Variants in CCDC24 observed in about 807,000 individuals in gnomAD.
CCDC24 encodes coiled-coil domain-containing protein 24.
CCDC24 carries 34 observed loss-of-function variants against 31.6 expected under a neutral mutation model. That is an observed-to-expected ratio of 1.08 (90% CI 0.82 to 1.43). The LOEUF (loss-of-function observed/expected upper bound fraction) is 1.43. CCDC24 is among the 40% of genes most tolerant of loss of function. The pLI is 0.00. For synonymous variants in CCDC24, 175 were observed against 157.3 expected (o/e 1.11, Z -0.84); for missense variants, 426 against 391.1 (o/e 1.09, Z -0.75).
At position 43,996,456 on chromosome 1, in the gene CCDC24, G is replaced by C. The variant is rs769778923; in HGVS notation, c.*296G>C. 5.1e-6 allele frequency: 2 copies of C among 394,736 alleles called. No homozygotes were observed. The highest frequency in any genetic ancestry group is 9.0e-6 in the Non-Finnish European group (2 of 221,470). The allele number at this position is 394,736 out of a possible 1,614,324, so 24.5% of individuals were successfully genotyped here. On this transcript the variant is annotated 3_prime_UTR_variant, in exon 9 of 9. Coordinates refer to ENST00000372318, the MANE Select transcript of CCDC24 (RefSeq NM_152499.4). The stretch of plus-strand genomic sequence containing the variant: ...TTCCAGCCTGACTCTTGTCCCCTGG[G>C]GGACCCAGACAAAGCACAGCAGCCG...
At chr1:43,992,498 C>T (rs529426629) in intron 3 of CCDC24, 25 bp from the exon 4 acceptor site, 2 of 1,613,336 alleles carry the variant, frequency 1.2e-6, no homozygotes, top group South Asian at 2.2e-5. Context: ...AGCCTCTCAG[C>T]TTCCTTCCTG....
intron 5 of CCDC24, 62 bp downstream of exon 5, chr1:43,994,026 G>A: frequency 6.8e-7 from 1 of 1,464,866 alleles, no homozygotes; most frequent in East Asian, 2.3e-5. Flanking sequence ...GGATCTTGAG[G>A]TGCTGGGATT....
chr1:43,994,248 C>T (rs984293318), intron 5 of CCDC24: 11 of 410,014 alleles, frequency 2.7e-5, no homozygotes, highest in Non-Finnish European at 5.0e-5. Flanking sequence ...GAATTCGAAA[C>T]CAGCTTGGCC....
intron 2 of CCDC24, 94 bp from the exon 3 acceptor site, chr1:43,992,118 C>T (rs1174965754): frequency 6.6e-7 from 1 of 1,515,238 alleles, no homozygotes; most frequent in Admixed American, 2.0e-5. Flanking sequence ...ATCCTGGTCT[C>T]CCCTTTGACT....
intron 5 of CCDC24, 136 bp from the exon 6 acceptor site, chr1:43,994,972 C>A: frequency 1.4e-6 from 1 of 732,366 alleles, no homozygotes; most frequent in Non-Finnish European, 2.4e-6. Context: ...CCCCAAGCAG[C>A]AGAGGGCAGT....
At position 43,995,950 on chromosome 1, in the gene CCDC24, G is replaced by A. The variant is rs778082235; in HGVS notation, c.714G>A (p.Leu238=). 6.2e-7 allele frequency: 1 copy of A among 1,614,072 alleles called. No individual in the cohort carries two copies. Among genetic ancestry groups the A allele is most frequent in the Non-Finnish European group, 8.5e-7 (1 of 1,179,962 alleles). ...CTTTCTTGTCCAGGCAGCGGCCCTT[G>A]GGGTCCTCCACACAGGGCCTCAGAC... ...CVSPNHRQRP[L]GSSTQGLRPP... is the part of the protein sequence containing the mutation. The change falls in exon 9 of 9, where the codon TTG becomes TTA. Residue 238 remains leucine, a synonymous_variant. Coordinates refer to ENST00000372318, the MANE Select transcript of CCDC24 (RefSeq NM_152499.4). The surrounding 1 kb of genome is among the most constrained non-coding windows in gnomAD (Gnocchi z 4.3).
chr1:43,993,356 A>G (rs898857536), intron 4 of CCDC24, among the ~76,000 whole-genome samples: 20 of 151,912 alleles, frequency 1.3e-4, no homozygotes, highest in African/African-American at 4.6e-4. Flanking sequence ...AGGTGGGATA[A>G]TTGCTTGAGC....
chr1:43,995,504 G>C lies in CCDC24; in HGVS notation c.553-97G>C. ...CTGCCCTCACGGTGGATGGGCTGAA[G>C]GGGCTGCACGGGCCTGCCCTGGGGA... is the stretch of plus-strand genomic sequence containing the variant. On this transcript the variant is annotated intron_variant, in intron 6 of 8. Transcript: ENST00000372318. The surrounding 1 kb of genome is among the most constrained non-coding windows in gnomAD (Gnocchi z 4.3). The C allele has an allele frequency of 7.7e-7, 1 of 1,304,160 alleles. No individual in the cohort carries two copies. The highest frequency in any genetic ancestry group is 1.5e-5 in the South Asian group (1 of 66,606). The allele number at this position is 1,304,160 out of a possible 1,614,324, so 80.8% of individuals were successfully genotyped here. A position where few individuals can be genotyped will look rare whatever the true frequency, so the allele number is the denominator to read the frequency against.
chr1:43,994,013 G>A, intron 5 of CCDC24, 49 bp downstream of exon 5: 1 of 1,529,896 alleles, frequency 6.5e-7, no homozygotes. Context: ...TGGAGACAAG[G>A]ATGGATCTTG....
chr1:43,991,735 G>A lies in CCDC24; in HGVS notation c.-44G>A, dbSNP rs1287335237. On this transcript the variant is annotated 5_prime_UTR_variant, in exon 1 of 9. Coordinates refer to ENST00000372318, the MANE Select transcript of CCDC24 (RefSeq NM_152499.4). Reference sequence around the variant, plus strand: ...GGCAATCCCAGCCGAGGGGACCAGCGGCAGAGCACGGGTGGGGCTTGGGAG... The same window carrying A: ...GGCAATCCCAGCCGAGGGGACCAGCAGCAGAGCACGGGTGGGGCTTGGGAG... The A allele has an allele frequency of 9.3e-7, 1 of 1,077,252 alleles. No homozygotes were observed. The allele number at this position is 1,077,252 out of a possible 1,614,324, so 66.7% of individuals were successfully genotyped here. A position where few individuals can be genotyped will look rare whatever the true frequency, so the allele number is the denominator to read the frequency against.
rs370451361 is a variant in CCDC24, at chr1:43,996,139, A to G, written c.903A>G (p.Ala301=). The change falls in exon 9 of 9, where the codon GCA becomes GCG. Residue 301 remains alanine, a synonymous_variant. Transcript: ENST00000372318. ...EGPASTPMSS[A]APQAPA ...CAGCTTCCACACCCATGTCCAGTGC[A>G]GCACCCCAAGCCCCAGCCTGAAGGG... 1.2e-5 allele frequency: 19 copies of G among 1,602,994 alleles called. No homozygotes were observed. Among genetic ancestry groups the G allele is most frequent in the Non-Finnish European group, 1.5e-5 (18 of 1,173,918 alleles).
chr1:43,994,129 G>T (rs900643039), intron 5 of CCDC24, 165 bp downstream of exon 5: 29 of 642,014 alleles, frequency 4.5e-5, no homozygotes, highest in Non-Finnish European at 7.1e-5. Flanking sequence ...AGCTAGTGAG[G>T]TTGCTTTCAG....
intron 5 of CCDC24, chr1:43,994,446 T>C (rs112904958): frequency 9.7e-3 from 147 of 15,190 alleles, no homozygotes; most frequent in Non-Finnish European, 0.015. Context: ...TTCTTTCTTT[T>C]TTTTTTTTTT....
In CCDC24 at chr1:43,995,206, C is replaced by G. The variant is rs543689854; in HGVS notation, c.552+44C>G. 6.5e-7 allele frequency: 1 copy of G among 1,535,318 alleles called. No homozygotes were observed. Among genetic ancestry groups the G allele is most frequent in the East Asian group, 2.4e-5 (1 of 40,996 alleles). ...CCCTCCCCCGAGCCTCACTGCTGAGCGTAGACTCTCACCTGGGTGAGACCC... is the reference window on the plus strand; with the variant it reads ...CCCTCCCCCGAGCCTCACTGCTGAGGGTAGACTCTCACCTGGGTGAGACCC... On this transcript the variant is annotated intron_variant, in intron 6 of 8. Coordinates refer to ENST00000372318, the MANE Select transcript of CCDC24 (RefSeq NM_152499.4). The surrounding 1 kb of genome is among the most constrained non-coding windows in gnomAD (Gnocchi z 4.3).
Position 43,992,266 on chromosome 1 carries a change from T to C in CCDC24, c.181T>C (p.Ser61Pro). 6.2e-7 allele frequency: 1 copy of C among 1,613,656 alleles called. No homozygotes were observed. Among genetic ancestry groups the C allele is most frequent in the Non-Finnish European group, 8.5e-7 (1 of 1,179,894 alleles). ...GGCTCGATCCTCTCAAGCCCCCAGCTCCCGCCCCATCTCTGACCCCTCTTC... is the reference window on the plus strand; with the variant it reads ...GGCTCGATCCTCTCAAGCCCCCAGCCCCCGCCCCATCTCTGACCCCTCTTC... ...QEARSSQAPS[S>P]RPISDPSSLL... Residue 61 changes from serine (S) to proline (P), a missense_variant, in exon 3 of 9, where the codon TCC (serine) becomes CCC (proline). Coordinates refer to ENST00000372318, the MANE Select transcript of CCDC24 (RefSeq NM_152499.4).
At chr1:43,992,730 T>C in intron 4 of CCDC24, 91 bp downstream of exon 4, 1 of 1,175,458 alleles carries the variant, frequency 8.5e-7, no homozygotes, top group Non-Finnish European at 1.3e-6. Flanking sequence ...TGCAGGAGAT[T>C]CCAGTCACGG....
intron 2 of CCDC24, 99 bp from the exon 3 acceptor site, chr1:43,992,113 G>A (rs1008594422): frequency 2.3e-5 from 35 of 1,512,622 alleles, no homozygotes; most frequent in Non-Finnish European, 3.1e-5. Context: ...ATCCTATCCT[G>A]GTCTCCCCTT....
At position 43,992,645 on chromosome 1, in the gene CCDC24, G is replaced by A; in HGVS notation, c.419+6G>A. 1 of 1,613,476 alleles carries A rather than the reference G, an allele frequency of 6.2e-7. No individual in the cohort carries two copies. The highest frequency in any genetic ancestry group is 8.5e-7 in the Non-Finnish European group (1 of 1,179,364). On this transcript the variant is annotated splice_donor_region_variant and intron_variant, in intron 4 of 8. Coordinates refer to ENST00000372318, the MANE Select transcript of CCDC24 (RefSeq NM_152499.4). ...ATGAGAGGTGGTGGGCCCAGGTAAG[G>A]TGATGGTAGGAGAGAGGGATCTGTC...
chr1:43,991,800 GC>G (rs1490963554), intron 1 of CCDC24, 46 bp from the exon 2 acceptor site: 2 of 1,527,888 alleles, frequency 1.3e-6, no homozygotes, highest in Non-Finnish European at 8.8e-7. Flanking sequence ...GGTGAGCGTT[GC>G]CGGCGGGCCC....
Sources: allele counts gnomAD v4.1 joint callset (sites outside exome capture counted in the v4.1 genomes callset), GRCh38; gene constraint gnomAD v4.1.1; non-coding constraint Gnocchi (gnomAD v3.1); transcripts MANE v1.5; gene names NCBI Gene and HGNC (gene_info 2026-07-23, HGNC 2026-07-21).